Variants in VAV3 observed in about 807,000 individuals in gnomAD.
The protein encoded by VAV3 is vav guanine nucleotide exchange factor 3.
A neutral mutation model predicts 131.2 loss-of-function variants in VAV3; 94 were observed. The ratio of observed to expected loss-of-function variants is 0.72; its 90% CI spans 0.61 to 0.85. The LOEUF is 0.85. Among genes scored for constraint, VAV3 ranks in the 40% least tolerant of loss-of-function variants. The probability of loss-of-function intolerance (pLI) is 0.00; values close to 1 mark genes in which losing one functional copy is unlikely to be tolerated. For synonymous variants in VAV3, 349 were observed against 342.0 expected, an observed-to-expected ratio of 1.02 and a Z score of -0.22; for missense variants, 939 against 1,002.7, an observed-to-expected ratio of 0.94 and a Z score of 0.86.
chr1:107,842,880 G>A (rs1287352986), intron 2 of VAV3, among the ~76,000 whole-genome samples: 2 of 151,868 alleles, frequency 1.3e-5, no homozygotes, highest in Non-Finnish European at 2.9e-5. Context: ...AACATAATAT[G>A]GAAATTAATG....
chr1:107,649,056 A>G (rs547271071), intron 19 of VAV3, among the ~76,000 whole-genome samples: 99 of 152,034 alleles, frequency 6.5e-4, no homozygotes, highest in Non-Finnish European at 1.3e-3. Context: ...AAAAGCCCTC[A>G]AAAAACAAAC....
intron 3 of VAV3, 78 bp from the exon 4 acceptor site, chr1:107,777,374 C>A (rs944778154): frequency 1.2e-5 from 16 of 1,308,354 alleles, no homozygotes; most frequent in Non-Finnish European, 1.6e-5. Context: ...CGCACTTAAC[C>A]CTCACTAAAT....
At chr1:107,705,965 T>C (rs1426565689) in intron 15 of VAV3, among the ~76,000 whole-genome samples, 2 of 152,188 alleles carry the variant, frequency 1.3e-5, no homozygotes, top group Non-Finnish European at 2.9e-5. Context: ...TTGTACTTAG[T>C]AGGTATTTTG....
chr1:107,747,214 T>A (rs1372426142), intron 15 of VAV3, among the ~76,000 whole-genome samples: 2 of 152,202 alleles, frequency 1.3e-5, no homozygotes, highest in Non-Finnish European at 2.9e-5. Flanking sequence ...TAACTGTTTG[T>A]TTTATGGCAA....
At chr1:107,732,311 T>C (rs1662295635) in intron 15 of VAV3, among the ~76,000 whole-genome samples, 1 of 152,130 alleles carries the variant, frequency 6.6e-6, no homozygotes, top group Non-Finnish European at 1.5e-5. Flanking sequence ...AGAAGACGGG[T>C]GATTTCTGCA....
At chr1:107,779,101 T>C (rs560171379) in intron 3 of VAV3, among the ~76,000 whole-genome samples, 2 of 151,960 alleles carry the variant, frequency 1.3e-5, no homozygotes, top group East Asian at 1.9e-4. Context: ...ATCTTATAAA[T>C]ATTTATTTAC....
At chr1:107,698,385 A>G (rs1021442396) in intron 17 of VAV3, among the ~76,000 whole-genome samples, 1 of 152,216 alleles carries the variant, frequency 6.6e-6, no homozygotes, top group Non-Finnish European at 1.5e-5. Flanking sequence ...GAAGCAAACA[A>G]TACAGTGTAC....
intron 10 of VAV3, among the ~76,000 whole-genome samples, 200 bp from the exon 11 acceptor site, chr1:107,757,529 T>A (rs949329643): frequency 6.6e-6 from 1 of 152,130 alleles, no homozygotes; most frequent in Non-Finnish European, 1.5e-5. Flanking sequence ...TGAGACACAA[T>A]ATGAGATATT....
chr1:107,749,465 T>C lies in VAV3; in HGVS notation c.1389A>G (p.Lys463=), dbSNP rs1246278065. 2 of 1,587,234 alleles carry C rather than the reference T, an allele frequency of 1.3e-6. No individual in the cohort carries two copies. The highest frequency in any genetic ancestry group is 2.3e-5 in the South Asian group (2 of 85,156). Residue 463 remains lysine, a synonymous_variant, in exon 14 of 27, where the codon AAA becomes AAG. Transcript: ENST00000370056. ...ANNPTTDKEN[K]KWSYGFYLIH... The stretch of plus-strand genomic sequence containing the variant: ...TTATTAGTTTCCAAAAAGTCACCTT[T>C]TTGTTTTCTTTATCGGTTGTAGGAT...
chr1:107,798,838 A>G (rs1322001787), intron 2 of VAV3, among the ~76,000 whole-genome samples: 1 of 151,792 alleles, frequency 6.6e-6, no homozygotes, highest in Non-Finnish European at 1.5e-5. Context: ...TAACATTTCT[A>G]TACTGTTAGA....
intron 11 of VAV3, among the ~76,000 whole-genome samples, chr1:107,756,219 C>T (rs1664090786): frequency 6.6e-6 from 1 of 152,118 alleles, no homozygotes; most frequent in South Asian, 2.1e-4. Flanking sequence ...CTAATCTTTC[C>T]ATACTGTAAC....
intron 24 of VAV3, among the ~76,000 whole-genome samples, chr1:107,598,023 A>G (rs1450880215): frequency 1.3e-5 from 2 of 152,194 alleles, no homozygotes; most frequent in Non-Finnish European, 2.9e-5. Context: ...TCTTAACTGT[A>G]TCATACTATT....
chr1:107,666,516 C>T (rs976259374), intron 19 of VAV3, among the ~76,000 whole-genome samples: 2 of 151,774 alleles, frequency 1.3e-5, no homozygotes, highest in African/African-American at 4.8e-5. Flanking sequence ...CAGAAGATCA[C>T]CGTGGCTTCT....
At chr1:107,576,603 T>C (rs1649668023) in intron 25 of VAV3, 2 of 763,666 alleles carry the variant, frequency 2.6e-6, no homozygotes, top group Non-Finnish European at 3.9e-6. Flanking sequence ...GCCAAACTTT[T>C]ACATTTTGAT....
At chr1:107,771,083 A>C (rs1665015371) in intron 5 of VAV3, among the ~76,000 whole-genome samples, 1 of 152,178 alleles carries the variant, frequency 6.6e-6, no homozygotes, top group Non-Finnish European at 1.5e-5. Flanking sequence ...AAACAATAAA[A>C]AGGTATTTGG....
At chr1:107,661,300 C>A (rs1039416053) in intron 19 of VAV3, among the ~76,000 whole-genome samples, 9 of 152,134 alleles carry the variant, frequency 5.9e-5, no homozygotes, top group Non-Finnish European at 1.2e-4. Flanking sequence ...CTTGCACGAC[C>A]CATTATGCAC....
intron 17 of VAV3, among the ~76,000 whole-genome samples, chr1:107,699,528 C>T (rs1048388112): frequency 2.6e-5 from 4 of 152,174 alleles, no homozygotes; most frequent in Non-Finnish European, 5.9e-5. Flanking sequence ...TCTGGAGGAC[C>T]GTGGCCCTCT....
At chr1:107,683,027 C>CA in intron 19 of VAV3, among the ~76,000 whole-genome samples, 1 of 152,084 alleles carries the variant, frequency 6.6e-6, no homozygotes, top group East Asian at 1.9e-4. Flanking sequence ...ACAAAGTCCC[C>CA]AAAAAACATG....
At chr1:107,807,054 T>C (rs935199761) in intron 2 of VAV3, among the ~76,000 whole-genome samples, 1 of 152,186 alleles carries the variant, frequency 6.6e-6, no homozygotes, top group Non-Finnish European at 1.5e-5. Context: ...TCCTCATGTT[T>C]TCCATCTCTG....
Sources: gnomAD v4.1 joint callset for allele counts (sites outside exome capture counted in the v4.1 genomes callset) on GRCh38, gnomAD v4.1.1 for gene constraint, MANE v1.5 for transcripts, NCBI Gene and HGNC (gene_info 2026-07-23, HGNC 2026-07-21) for gene names.